Variants in HECTD4 observed in about 807,000 individuals in gnomAD.
The protein encoded by HECTD4 is probable E3 ubiquitin-protein ligase HECTD4.
Under a neutral mutation model 471.5 loss-of-function variants are expected in HECTD4, and 114 were observed. The ratio of observed to expected loss-of-function variants is 0.24; its 90% CI spans 0.21 to 0.28. HECTD4 has a LOEUF of 0.28. Among genes scored for constraint, HECTD4 ranks in the 10% least tolerant of loss-of-function variants. HECTD4 has a pLI of 1.00. For synonymous variants in HECTD4, 2,012 were observed against 2,256.0 expected, an observed-to-expected ratio of 0.89 and a Z score of 3.07; for missense variants, 3,866 against 5,651.5, an observed-to-expected ratio of 0.68 and a Z score of 10.13.
intron 1 of HECTD4, among the ~76,000 whole-genome samples, chr12:112,324,242 C>G (rs1413249779): frequency 1.3e-5 from 2 of 150,526 alleles, no homozygotes; most frequent in Non-Finnish European, 3.0e-5. Flanking sequence ...ACCTCAGCCT[C>G]CTGAGTAGCT....
chr12:112,172,979 C>T (rs990327692), intron 66 of HECTD4, 118 bp from the exon 67 acceptor site: 46 of 865,884 alleles, frequency 5.3e-5, no homozygotes, highest in African/African-American at 4.5e-4. Context: ...AAGACGGCCT[C>T]GCCTTCCAGG....
chr12:112,230,584 T>A, intron 40 of HECTD4, 103 bp downstream of exon 40: 1 of 1,395,072 alleles, frequency 7.2e-7, no homozygotes, highest in South Asian at 1.5e-5. Context: ...ATCTGATGAA[T>A]TTGGAAAATT....
In HECTD4 at chr12:112,235,667, C is replaced by A. The variant is rs369216194; in HGVS notation, c.5562G>T (p.Arg1854=). Reference sequence around the variant, plus strand: ...CTACGCTCATCAGGGGCAGCGCCGCCCGGCACAGCTGGAGAATAATAAGGA... The same window carrying A: ...CTACGCTCATCAGGGGCAGCGCCGCACGGCACAGCTGGAGAATAATAAGGA... ...KLVLIILQLC[R]AALPLMSVED... is the part of the protein sequence containing the mutation. Residue 1854 remains arginine, a synonymous_variant, in exon 36 of 76, where the codon CGG becomes CGT. Transcript: ENST00000682272. This position sits in a 1 kb window ranked among gnomAD's most constrained non-coding sequence, Gnocchi z 5.0. 1.1e-5 allele frequency: 17 copies of A among 1,613,864 alleles called. No individual in the cohort carries two copies. Among genetic ancestry groups the A allele is most frequent in the African/African-American group, 1.3e-5 (1 of 74,922 alleles).
chr12:112,162,294 C>T lies in HECTD4; in HGVS notation c.*93G>A, dbSNP rs188295553. 33 of 1,477,798 alleles carry T rather than the reference C, an allele frequency of 2.2e-5. No homozygotes were observed. The highest frequency in any genetic ancestry group is 2.4e-5 in the Non-Finnish European group (26 of 1,073,866). 91.5% of individuals were successfully genotyped at this position (1,477,798 alleles called of 1,614,324 possible). On this transcript the variant is annotated 3_prime_UTR_variant, in exon 76 of 76. Coordinates refer to ENST00000682272, the MANE Select transcript of HECTD4 (RefSeq NM_001388303.1). This position sits in a 1 kb window ranked among gnomAD's most constrained non-coding sequence, Gnocchi z 5.2. ...AAAGCAAAATGTTGCCAACTCCTCA[C>T]GCAGGGCCCTGGAGGGACGGGCCGC...
At chr12:112,303,763 T>C (rs1283895957) in intron 7 of HECTD4, among the ~76,000 whole-genome samples, 1 of 150,552 alleles carries the variant, frequency 6.6e-6, no homozygotes. Context: ...GGTGGGAGGA[T>C]CACCTGAGCC....
In HECTD4 at chr12:112,203,678, C is replaced by G. The variant is rs776073290; in HGVS notation, c.8364G>C (p.Leu2788=). Residue 2788 remains leucine (L), a synonymous_variant, in exon 54 of 76, where the codon CTG becomes CTC. Transcript: ENST00000682272. ...CGACTCCATGAAGCCCAAAGGTTTT[C>G]AGCATCCCTCGGATGGCAAATTTTG... ...ALPKFAIRGM[L]KTFGLHGVVL... 1.7e-5 allele frequency: 28 copies of G among 1,613,370 alleles called. No individual in the cohort carries two copies. In the South Asian group the frequency reaches 2.5e-4, roughly 15 times the overall value.
At chr12:112,295,811 AT>A (rs1361096709) in intron 7 of HECTD4, among the ~76,000 whole-genome samples, 6 of 140,538 alleles carry the variant, frequency 4.3e-5, no homozygotes, top group East Asian at 2.1e-4. Context: ...TAAAAAAAAA[AT>A]ATATATATAT....
At chr12:112,264,827 C>T (rs759216482) in intron 16 of HECTD4, among the ~76,000 whole-genome samples, 7 of 152,260 alleles carry the variant, frequency 4.6e-5, no homozygotes, top group East Asian at 1.9e-4. Flanking sequence ...TGCGGTGGCG[C>T]GATCTCAGCT....
intron 49 of HECTD4, among the ~76,000 whole-genome samples, chr12:112,212,281 C>T (rs2032786678): frequency 6.6e-6 from 1 of 152,164 alleles, no homozygotes; most frequent in South Asian, 2.1e-4. Flanking sequence ...GCACTAAGTT[C>T]CTGATATAGC....
At position 112,222,525 on chromosome 12, in the gene HECTD4, C is replaced by T. The variant is rs374114607; in HGVS notation, c.6971-3036G>A. The stretch of plus-strand genomic sequence containing the variant: ...CTACTAAAAATGCAAAAATTATCCA[C>T]GTGTGGTGGCAGGCACCTGTATTCC... On this transcript the variant is annotated intron_variant, in intron 44 of 75. Transcript: ENST00000682272. Among the ~76,000 whole-genome samples the T allele has an allele frequency of 3.3e-4, 50 of 152,244 alleles. No individual in the cohort carries two copies. In the East Asian group the frequency reaches 6.6e-3, roughly 20 times the overall value.
At chr12:112,203,462 T>C in intron 54 of HECTD4, 174 bp downstream of exon 54, 1 of 536,824 alleles carries the variant, frequency 1.9e-6, no homozygotes, top group Non-Finnish European at 3.2e-6. Flanking sequence ...TCTGAGTCCC[T>C]GAGGAAAGCT....
intron 1 of HECTD4, among the ~76,000 whole-genome samples, chr12:112,355,669 C>T (rs1443686545): frequency 6.6e-6 from 1 of 151,932 alleles, no homozygotes; most frequent in Non-Finnish European, 1.5e-5. Flanking sequence ...GAGGCTGAGG[C>T]AGGAGAATCG....
chr12:112,257,331 T>C (rs1024747824), intron 20 of HECTD4, among the ~76,000 whole-genome samples: 7 of 152,236 alleles, frequency 4.6e-5, no homozygotes, highest in Non-Finnish European at 7.3e-5. Flanking sequence ...ACAGCACAGA[T>C]AGAAGTTTTC....
chr12:112,311,619 CAAAA>C (rs541436680), intron 4 of HECTD4, among the ~76,000 whole-genome samples: 3 of 46,716 alleles, frequency 6.4e-5, no homozygotes, highest in Admixed American at 2.5e-4. Flanking sequence ...GACCCCATCT[CAAAA>C]AAAAAAAAAA....
intron 66 of HECTD4, among the ~76,000 whole-genome samples, chr12:112,174,205 T>C (rs1403118976): frequency 6.6e-6 from 1 of 151,152 alleles, no homozygotes; most frequent in African/African-American, 2.4e-5. Context: ...CTGACCTCAG[T>C]TGATCTGCCC....
chr12:112,283,892 C>A (rs1192787234), intron 7 of HECTD4, among the ~76,000 whole-genome samples: 1 of 151,944 alleles, frequency 6.6e-6, no homozygotes, highest in Admixed American at 6.5e-5. Flanking sequence ...AGTGGTGACT[C>A]CAAAATTCCT....
intron 1 of HECTD4, among the ~76,000 whole-genome samples, chr12:112,352,300 G>C (rs531230428): frequency 7.2e-4 from 109 of 151,346 alleles, no homozygotes; most frequent in Admixed American, 1.6e-3. Context: ...TCTCATCCCA[G>C]TCTGGTTACC....
At chr12:112,266,885 C>T in intron 14 of HECTD4, 27 bp downstream of exon 14, 2 of 1,188,062 alleles carry the variant, frequency 1.7e-6, no homozygotes, top group East Asian at 2.5e-5. Flanking sequence ...GACGGCTGTT[C>T]AAAGATAATT....
intron 7 of HECTD4, among the ~76,000 whole-genome samples, chr12:112,284,608 C>G (rs2034711559): frequency 6.6e-6 from 1 of 152,202 alleles, no homozygotes; most frequent in African/African-American, 2.4e-5. Context: ...TCCAAAAATG[C>G]TGTTTCTATT....
Sources: gnomAD v4.1 joint callset for allele counts (sites outside exome capture counted in the v4.1 genomes callset) on GRCh38, gnomAD v4.1.1 for gene constraint, Gnocchi (gnomAD v3.1) non-coding constraint, MANE v1.5 for transcripts, NCBI Gene and HGNC (gene_info 2026-07-23, HGNC 2026-07-21) for gene names.